The following PRIM2 variants were observed in gnomAD, a reference collection of about 807,000 sequenced individuals.
The protein encoded by PRIM2 is DNA primase subunit 2, also known as DNA primase large subunit.
Under a neutral mutation model 67.3 loss-of-function variants are expected in PRIM2, and 39 were observed. The ratio of observed to expected loss-of-function variants is 0.58; its 90% confidence interval spans 0.45 to 0.76. The LOEUF (loss-of-function observed/expected upper bound fraction) is 0.76, where lower values mean the gene tolerates loss of function less well. Ranked by LOEUF, PRIM2 falls within the 30% of genes least tolerant of loss-of-function variation. The pLI is 0.00. For synonymous variants in PRIM2, 143 were observed against 198.7 expected (o/e 0.72, Z 2.36); for missense variants, 398 against 598.7 (o/e 0.66, Z 3.50).
At chr6:57,357,833 A>G (rs1184011890) in intron 5 of PRIM2, among the ~76,000 whole-genome samples, 3 of 151,918 alleles carry the variant, frequency 2.0e-5, no homozygotes, top group African/African-American at 7.3e-5. Flanking sequence ...TGACCTCGTG[A>G]TCCACCCGCC....
chr6:57,615,198 G>A (rs1196354291), intron 12 of PRIM2, among the ~76,000 whole-genome samples: 1 of 152,002 alleles, frequency 6.6e-6, no homozygotes, highest in African/African-American at 2.4e-5. Context: ...CCTATGGGTT[G>A]CTTGAGCCCA....
chr6:57,502,687 G>A (rs1774161712), intron 7 of PRIM2, among the ~76,000 whole-genome samples: 1 of 152,156 alleles, frequency 6.6e-6, no homozygotes. Flanking sequence ...CTTCCGGGCA[G>A]AGGCTACACT....
chr6:57,264,699 C>T, the PRIM2 span, among the ~76,000 whole-genome samples: 5 of 149,574 alleles, frequency 3.3e-5, no homozygotes, highest in East Asian at 3.9e-4. Context: ...TGAGTTCAAG[C>T]GATTCTCCTG....
the PRIM2 span, among the ~76,000 whole-genome samples, chr6:57,255,280 C>T: frequency 2.3e-3 from 355 of 152,144 alleles, no homozygotes; most frequent in African/African-American, 7.4e-3. Flanking sequence ...GGGCGGATCA[C>T]GAGGTCAGGA....
In PRIM2 at chr6:57,602,060, AT is replaced by A. The variant is rs1192324407; in HGVS notation, c.1147+857del. Among the ~76,000 whole-genome samples, 593 of 143,482 alleles carry A rather than the reference AT, an allele frequency of 4.1e-3. 8 individuals carry two copies. Among genetic ancestry groups the A allele is most frequent in the East Asian group, 0.019 (94 of 4,900 alleles). The allele number at this position is 143,482 out of a possible 152,430, so 94.1% of individuals were successfully genotyped here. A position where few individuals can be genotyped will look rare whatever the true frequency, so the allele number is the denominator to read the frequency against. ...AAGATAGATCTATATATAAACATAG[AT>A]TTTTTTTTTTTTTTTGAGACAGAGT... On this transcript the variant is annotated intron_variant, in intron 11 of 13. Coordinates refer to ENST00000615550, the MANE Select transcript of PRIM2 (RefSeq NM_000947.5).
At chr6:57,578,859 G>T (rs1477659179) in intron 10 of PRIM2, among the ~76,000 whole-genome samples, 7 of 151,194 alleles carry the variant, frequency 4.6e-5, no homozygotes, top group East Asian at 1.9e-4. Context: ...TGTATTTTTA[G>T]TAGAGACGGG....
At chr6:57,611,808 A>G (rs1776671677) in intron 12 of PRIM2, among the ~76,000 whole-genome samples, 1 of 152,142 alleles carries the variant, frequency 6.6e-6, no homozygotes, top group African/African-American at 2.4e-5. Flanking sequence ...TAAGAGAACA[A>G]GATAAGCCAC....
chr6:57,551,168 C>T (rs1458020505), intron 10 of PRIM2, among the ~76,000 whole-genome samples: 15 of 152,134 alleles, frequency 9.9e-5, no homozygotes, highest in Non-Finnish European at 1.6e-4. Flanking sequence ...GTGTGCATTA[C>T]TCTTTATAGT....
the PRIM2 span, among the ~76,000 whole-genome samples, chr6:57,277,190 T>G: frequency 1.3e-5 from 2 of 152,080 alleles, no homozygotes; most frequent in African/African-American, 4.8e-5. Flanking sequence ...TCAGATGACA[T>G]GGGATGGGAA....
intron 13 of PRIM2, among the ~76,000 whole-genome samples, chr6:57,640,224 T>C (rs1298752453): frequency 6.6e-6 from 1 of 152,150 alleles, no homozygotes; most frequent in Non-Finnish European, 1.5e-5. Context: ...TAGGTATTGA[T>C]GGCACATATC....
intron 10 of PRIM2, among the ~76,000 whole-genome samples, chr6:57,558,106 T>C (rs1224147788): frequency 2.6e-5 from 4 of 152,146 alleles, no homozygotes; most frequent in African/African-American, 9.7e-5. Flanking sequence ...GTGACTTTGG[T>C]TAAGTCAGCC....
intron 7 of PRIM2, among the ~76,000 whole-genome samples, chr6:57,474,090 T>G (rs1167611000): frequency 2.4e-4 from 36 of 151,828 alleles, no homozygotes; most frequent in Non-Finnish European, 4.9e-4. Flanking sequence ...CATGATTAAG[T>G]ATAGACTAAT....
At chr6:57,271,723 G>T in the PRIM2 span, among the ~76,000 whole-genome samples, 6 of 152,098 alleles carry the variant, frequency 3.9e-5, no homozygotes, top group African/African-American at 1.2e-4. Flanking sequence ...TGATGTTAGG[G>T]TGTCCATTTT....
At chr6:57,262,972 T>C in the PRIM2 span, among the ~76,000 whole-genome samples, 1 of 152,138 alleles carries the variant, frequency 6.6e-6, no homozygotes, top group Non-Finnish European at 1.5e-5. Context: ...GGAAGTGGGA[T>C]GGTCAAGGAG....
chr6:57,644,360 C>G (rs1198816108), intron 13 of PRIM2, among the ~76,000 whole-genome samples: 1 of 152,096 alleles, frequency 6.6e-6, no homozygotes, highest in Non-Finnish European at 1.5e-5. Context: ...ACTCAAATAG[C>G]ACTCCTCTTA....
At chr6:57,352,722 T>C (rs1263364895) in intron 5 of PRIM2, among the ~76,000 whole-genome samples, 1 of 122,594 alleles carries the variant, frequency 8.2e-6, no homozygotes, top group Non-Finnish European at 1.9e-5. Context: ...TCTGGCACCG[T>C]TTTTTAGTTT....
chr6:57,445,316 G>T (rs904197437), intron 7 of PRIM2, among the ~76,000 whole-genome samples: 22 of 152,166 alleles, frequency 1.4e-4, no homozygotes, highest in African/African-American at 5.3e-4. Context: ...GTGTGTGTGT[G>T]TGTATATGAG....
chr6:57,268,229 C>T, the PRIM2 span, among the ~76,000 whole-genome samples: 17 of 152,118 alleles, frequency 1.1e-4, no homozygotes, highest in Admixed American at 1.1e-3. Context: ...ACATTTTGTT[C>T]CCTTCAAGTC....
At chr6:57,520,165 C>G (rs1258949217) in intron 8 of PRIM2, among the ~76,000 whole-genome samples, 2 of 152,116 alleles carry the variant, frequency 1.3e-5, no homozygotes, top group Non-Finnish European at 2.9e-5. Context: ...GTTCCAGCAC[C>G]CCCTACCAAA....
Sources: allele counts gnomAD v4.1 joint callset (sites outside exome capture counted in the v4.1 genomes callset), GRCh38; gene constraint gnomAD v4.1.1; transcripts MANE v1.5; gene names NCBI Gene and HGNC (gene_info 2026-07-23, HGNC 2026-07-21).